The following TNRC6B variants were observed in gnomAD, a reference collection of about 807,000 sequenced individuals.
TNRC6B encodes trinucleotide repeat-containing gene 6B protein.
In TNRC6B, 52 loss-of-function variants were observed where a neutral mutation model predicts 203.6. The observed-to-expected ratio is 0.26, with a 90% CI of 0.20 to 0.32. The LOEUF is 0.32. Ranked by LOEUF, TNRC6B falls within the 10% of genes least tolerant of loss-of-function variation. The pLI, the probability that TNRC6B is intolerant of heterozygous loss-of-function variation, is 1.00. For missense variants in TNRC6B, 1,923 were observed against 2,286.2 expected (o/e 0.84, Z 3.24); for synonymous variants, 838 against 845.7 (o/e 0.99, Z 0.16).
chr22:40,070,491 A>G lies in TNRC6B; in HGVS notation c.-121+25493A>G, dbSNP rs144573696. 7.4e-3 allele frequency among the ~76,000 whole-genome samples: 1,121 copies of G among 152,328 alleles called. 49 individuals are homozygous for G. Among genetic ancestry groups the G allele is most frequent in the Admixed American group, 0.064 (976 of 15,298 alleles). On this transcript the variant is annotated intron_variant, in intron 1 of 23. Coordinates refer to the TNRC6B transcript ENST00000301923. ...TCACTCCATTCTGATACCATCTGCT[A>G]AAGGCTGATTTCAGTGTTTCCTTCA... is the stretch of plus-strand genomic sequence containing the variant.
At chr22:40,300,222 T>C (rs2071003996) in intron 12 of TNRC6B, among the ~76,000 whole-genome samples, 1 of 152,188 alleles carries the variant, frequency 6.6e-6, no homozygotes, top group South Asian at 2.1e-4. Flanking sequence ...ATACTTTTTA[T>C]TGTAGAAAAT....
chr22:40,151,500 A>C lies in TNRC6B; in HGVS notation c.46-4615A>C, dbSNP rs1176123196. On this transcript the variant is annotated intron_variant, in intron 3 of 23. Coordinates refer to the TNRC6B transcript ENST00000301923. ...GGTTGCAATGAGCTGAGATCATGCT[A>C]CTACACTTCAGCCTGGGCGACAGTG... 2.0e-5 allele frequency among the ~76,000 whole-genome samples: 3 copies of C among 149,130 alleles called. No homozygotes were observed. In the Admixed American group the frequency reaches 2.0e-4, roughly 10 times the overall value.
intron 3 of TNRC6B, among the ~76,000 whole-genome samples, chr22:40,155,144 A>G (rs1478500971): frequency 3.3e-5 from 5 of 151,420 alleles, no homozygotes; most frequent in Admixed American, 2.6e-4. Context: ...TTATTCTTCT[A>G]TTTTTTTCTG....
At chr22:40,189,339 C>T (rs1419383927) in intron 1 of TNRC6B, among the ~76,000 whole-genome samples, 1 of 152,100 alleles carries the variant, frequency 6.6e-6, no homozygotes, top group African/African-American at 2.4e-5. Flanking sequence ...TTTGGAAAAG[C>T]CTCATGGAAA....
rs535061419 is a variant in TNRC6B at position 40,170,769 on chromosome 22, A to G, written c.113+14587A>G. ...TATATGTACATATATGTGTGTATAT[A>G]TACATATATGTACATATATGTGTGT... On this transcript the variant is annotated intron_variant, in intron 4 of 23. Coordinates refer to the TNRC6B transcript ENST00000301923. Among the ~76,000 whole-genome samples the G allele has an allele frequency of 4.8e-5, 4 of 83,408 alleles. No individual in the cohort carries two copies. In the East Asian group the frequency reaches 7.2e-4, roughly 15 times the overall value. 54.7% of individuals were successfully genotyped at this position (83,408 alleles called of 152,430 possible).
rs746356527 is a variant in TNRC6B at position 40,301,352 on chromosome 22, A to C, written c.4120+19A>C. On this transcript the variant is annotated intron_variant, in intron 15 of 22. Coordinates refer to ENST00000454349, the MANE Select transcript of TNRC6B (RefSeq NM_001162501.2). Reference sequence around the variant, plus strand: ...GGTTCTGGTAAGTTGTTGGTAGAGAAAATTACCTTTTTAGAAATCTACCTC... The same window carrying C: ...GGTTCTGGTAAGTTGTTGGTAGAGACAATTACCTTTTTAGAAATCTACCTC... 1 of 1,599,480 alleles carries C rather than the reference A, an allele frequency of 6.3e-7. No individual in the cohort carries two copies. The highest frequency in any genetic ancestry group is 2.2e-5 in the East Asian group (1 of 44,554).
At chr22:40,218,607 T>C (rs963461982) in intron 1 of TNRC6B, among the ~76,000 whole-genome samples, 2 of 152,156 alleles carry the variant, frequency 1.3e-5, no homozygotes, top group African/African-American at 4.8e-5. Context: ...GGACTACAGA[T>C]AGGAGCCACT....
At chr22:40,154,103 T>C (rs3950173) in intron 3 of TNRC6B, among the ~76,000 whole-genome samples, 102,439 of 151,130 alleles carry the variant, frequency 0.68, 36,444 homozygotes, top group African/African-American at 0.9. Flanking sequence ...CCTGCCTCTG[T>C]CCCCCGAAGT....
Position 40,265,653 on chromosome 22 carries a change from A to G in TNRC6B, c.1423A>G (p.Asn475Asp), listed in dbSNP as rs1464911609. The G allele has an allele frequency of 1.2e-6, 2 of 1,613,828 alleles. No homozygotes were observed. The highest frequency in any genetic ancestry group is 1.7e-5 in the Admixed American group (1 of 59,984). ...TGGGTCAAAAAATGACTCTTGGGAC[A>G]ACAATAACAGGTCTACGGGTGGGTC... ...STGSKNDSWD[N>D]NNRSTGGSWN... The change falls in exon 5 of 23, where the codon AAC becomes GAC. Residue 475 changes from asparagine to aspartate, a missense_variant. This residue lies in a region of TNRC6B where 614 missense variants were observed against 587.7 expected (regional missense o/e 1.04). Coordinates refer to ENST00000454349, the MANE Select transcript of TNRC6B (RefSeq NM_001162501.2).
At chr22:40,228,393 G>A (rs1032826072) in intron 1 of TNRC6B, among the ~76,000 whole-genome samples, 4 of 151,528 alleles carry the variant, frequency 2.6e-5, no homozygotes, top group Non-Finnish European at 4.4e-5. Flanking sequence ...TTGTGCCATC[G>A]CACTCCAGCC....
chr22:40,223,907 CTGTGTTACCTTGGACACAAGGTAACTG>C (rs2069749228), intron 1 of TNRC6B, among the ~76,000 whole-genome samples: 1 of 152,202 alleles, frequency 6.6e-6, no homozygotes, highest in Non-Finnish European at 1.5e-5. Context: ...ATGCCTTTTT[CTGTGTTACCTTGGACACAAGGTAACTG>C]TGTGTTACCA....
chr22:40,309,733 C>A (rs933411316), intron 16 of TNRC6B, among the ~76,000 whole-genome samples: 5 of 152,112 alleles, frequency 3.3e-5, no homozygotes, highest in Non-Finnish European at 5.9e-5. Context: ...TCTCTACTTG[C>A]CTTTTTAGAG....
chr22:40,251,109 A>T, intron 2 of TNRC6B, 70 bp from the exon 3 acceptor site: 1 of 1,342,870 alleles, frequency 7.4e-7, no homozygotes, highest in Non-Finnish European at 1.0e-6. Context: ...TTATCAGACT[A>T]AAGTAGTCTG....
intron 1 of TNRC6B, 86 bp downstream of exon 1, chr22:40,178,226 C>G (rs1168671630): frequency 1.3e-6 from 2 of 1,490,372 alleles, no homozygotes; most frequent in Admixed American, 3.4e-5. Flanking sequence ...TGCAAATCGA[C>G]ATTTGTCTAG....
At position 40,178,032 on chromosome 22, in the gene TNRC6B, C is replaced by CA. The variant is rs1332109247; in HGVS notation, c.-97dup. 9 of 1,574,248 alleles carry CA rather than the reference C, an allele frequency of 5.7e-6. No individual in the cohort carries two copies. Among genetic ancestry groups the CA allele is most frequent in the African/African-American group, 1.4e-5 (1 of 72,496 alleles). ...TGCTGGTTTCTGAATATTTAAAATA[C>CA]AAAAAAACAGATAGACAAAAAGAAT... On this transcript the variant is annotated 5_prime_UTR_variant, in exon 1 of 23. Transcript: ENST00000454349.
intron 1 of TNRC6B, among the ~76,000 whole-genome samples, chr22:40,228,696 T>C (rs924327240): frequency 1.4e-5 from 2 of 146,498 alleles, no homozygotes; most frequent in Non-Finnish European, 3.0e-5. Flanking sequence ...ATTTTTTGTA[T>C]TTTTTTTTTA....
intron 1 of TNRC6B, among the ~76,000 whole-genome samples, chr22:40,193,244 A>T (rs2069296439): frequency 6.6e-6 from 1 of 152,212 alleles, no homozygotes; most frequent in African/African-American, 2.4e-5. Flanking sequence ...GCAGTTCTCC[A>T]GGAGGAACTC....
At chr22:40,154,894 T>TATATATATATAC (rs1236479777) in intron 3 of TNRC6B, among the ~76,000 whole-genome samples, 2 of 38,190 alleles carry the variant, frequency 5.2e-5, no homozygotes, top group Non-Finnish European at 8.8e-5. Flanking sequence ...TATATATATA[T>TATATATATATAC]ACATATATAT....
intron 19 of TNRC6B, 31 bp downstream of exon 19, chr22:40,313,028 G>T (rs1481671131): frequency 6.4e-7 from 1 of 1,562,854 alleles, no homozygotes; most frequent in Admixed American, 1.7e-5. Context: ...TTTCCCTTTG[G>T]TTAGCACTTT....
Sources: allele counts gnomAD v4.1 joint callset (sites outside exome capture counted in the v4.1 genomes callset), GRCh38; gene constraint gnomAD v4.1.1; regional missense constraint gnomAD v4.1.1; transcripts MANE v1.5; gene names NCBI Gene and HGNC (gene_info 2026-07-23, HGNC 2026-07-21).